NELL1: variants seen among roughly 807,000 people sequenced by gnomAD.
NELL1 encodes protein kinase C-binding protein NELL1.
In NELL1, 76 loss-of-function variants were observed where a neutral mutation model predicts 107.4. The ratio of observed to expected loss-of-function variants is 0.71; its 90% CI spans 0.59 to 0.86. NELL1 has a LOEUF of 0.86. Among genes scored for constraint, NELL1 ranks in the 40% least tolerant of loss-of-function variants. The pLI, the probability that NELL1 is intolerant of heterozygous loss-of-function variation, is 0.00. For synonymous variants in NELL1, 353 were observed against 341.2 expected (o/e 1.03, Z -0.38); for missense variants, 1,024 against 1,005.5 (o/e 1.02, Z -0.25).
intron 13 of NELL1, among the ~76,000 whole-genome samples, chr11:21,154,375 G>A (rs968396529): frequency 6.6e-6 from 1 of 152,122 alleles, no homozygotes; most frequent in African/African-American, 2.4e-5. Flanking sequence ...CATGGCAGGG[G>A]AAATCTATAT....
intron 3 of NELL1, among the ~76,000 whole-genome samples, chr11:20,825,984 G>A (rs1381686227): frequency 2.0e-5 from 3 of 151,188 alleles, no homozygotes; most frequent in African/African-American, 7.3e-5. Flanking sequence ...TCTTGTGATA[G>A]TGAGTGAGTT....
rs16907211 is a variant in NELL1 at position 20,990,920 on chromosome 11, G to T, written c.1300+30360G>T. On this transcript the variant is annotated intron_variant, in intron 12 of 19. Coordinates refer to ENST00000357134, the MANE Select transcript of NELL1 (RefSeq NM_006157.5). Reference sequence around the variant, plus strand: ...GCTTCTCTGGCTCTTGACCCCAGGTGCTTCCTTAGCCATGCTCTGTGGGTA... The same window carrying T: ...GCTTCTCTGGCTCTTGACCCCAGGTTCTTCCTTAGCCATGCTCTGTGGGTA... 3.0e-3 allele frequency among the ~76,000 whole-genome samples: 461 copies of T among 152,230 alleles called. 11 individuals carry two copies. In the East Asian group the frequency reaches 0.06, roughly 20 times the overall value.
rs17232953 is a variant in NELL1 at position 21,056,745 on chromosome 11, A to G, written c.1301-56844A>G. Among the ~76,000 whole-genome samples, 1,097 of 152,286 alleles carry G rather than the reference A, an allele frequency of 7.2e-3. 5 individuals carry two copies. The highest frequency in any genetic ancestry group is 0.01 in the Non-Finnish European group (689 of 68,008). On this transcript the variant is annotated intron_variant, in intron 12 of 19. Transcript: ENST00000357134. ...TTCCTGTAAACATAAATGCACATCA[A>G]ATGAAAACTTCCATATTTGCCAATT...
chr11:20,705,495 A>G (rs1854922952), intron 2 of NELL1, among the ~76,000 whole-genome samples: 2 of 149,870 alleles, frequency 1.3e-5, no homozygotes, highest in Non-Finnish European at 3.0e-5. Context: ...CCTTCCTTAC[A>G]CCTTATACAA....
chr11:21,310,470 A>G (rs1278590973), intron 14 of NELL1, among the ~76,000 whole-genome samples: 1 of 152,034 alleles, frequency 6.6e-6, no homozygotes, highest in East Asian at 1.9e-4. Context: ...TAATATTGGT[A>G]ATCTAGTCAG....
chr11:20,892,559 T>C (rs2195562), intron 5 of NELL1, among the ~76,000 whole-genome samples: 99,132 of 152,126 alleles, frequency 0.65, 34,047 homozygotes, highest in Non-Finnish European at 0.78. Context: ...GAAACACCAT[T>C]TGACCCAGCA....
intron 12 of NELL1, among the ~76,000 whole-genome samples, chr11:21,064,418 G>T (rs1853818813): frequency 6.6e-6 from 1 of 152,138 alleles, no homozygotes; most frequent in African/African-American, 2.4e-5. Flanking sequence ...AAGAGAGGAG[G>T]GGGTGACAGT....
chr11:20,731,323 C>G (rs2133922074), intron 2 of NELL1, among the ~76,000 whole-genome samples: 1 of 152,296 alleles, frequency 6.6e-6, no homozygotes, highest in African/African-American at 2.4e-5. Flanking sequence ...AAATTAAGAC[C>G]ACATAGGAAA....
chr11:20,856,656 C>T (rs1301684149), intron 4 of NELL1, among the ~76,000 whole-genome samples: 1 of 152,206 alleles, frequency 6.6e-6, no homozygotes, highest in East Asian at 1.9e-4. Context: ...TATCTGCTTT[C>T]CAGGTCTGAT....
At chr11:20,834,963 T>A (rs969458547) in intron 3 of NELL1, among the ~76,000 whole-genome samples, 3 of 152,190 alleles carry the variant, frequency 2.0e-5, no homozygotes, top group Non-Finnish European at 2.9e-5. Flanking sequence ...GTTCTATGAA[T>A]CTAGCCCCAA....
chr11:21,428,946 A>G (rs1346838112), intron 15 of NELL1, among the ~76,000 whole-genome samples: 2 of 152,174 alleles, frequency 1.3e-5, no homozygotes, highest in African/African-American at 4.8e-5. Context: ...AGCATTGCTA[A>G]TGGCATTTTG....
chr11:21,033,579 T>C (rs368979418), intron 12 of NELL1, among the ~76,000 whole-genome samples: 29 of 152,292 alleles, frequency 1.9e-4, no homozygotes, highest in Middle Eastern at 6.8e-3. Context: ...ATTCTTTTTT[T>C]ATGGCTGCAT....
chr11:21,206,727 C>T (rs1212073571), intron 13 of NELL1, among the ~76,000 whole-genome samples: 1 of 152,132 alleles, frequency 6.6e-6, no homozygotes, highest in Admixed American at 6.6e-5. Context: ...TCTCAAGTTC[C>T]TTTTGCTTTT....
intron 15 of NELL1, among the ~76,000 whole-genome samples, chr11:21,407,224 T>C (rs1157882304): frequency 6.6e-6 from 1 of 152,030 alleles, no homozygotes; most frequent in Non-Finnish European, 1.5e-5. Flanking sequence ...AAGACCAGCC[T>C]GGGCAACATG....
At chr11:20,786,362 GA>G (rs1214651370) in intron 3 of NELL1, among the ~76,000 whole-genome samples, 1 of 120,702 alleles carries the variant, frequency 8.3e-6, no homozygotes, top group Non-Finnish European at 1.8e-5. Context: ...AAAAAAAAAA[GA>G]AAAAAAAAGG....
intron 2 of NELL1, among the ~76,000 whole-genome samples, chr11:20,771,271 A>G (rs1564902127): frequency 6.6e-6 from 1 of 152,090 alleles, no homozygotes; most frequent in Admixed American, 6.5e-5. Flanking sequence ...TTGGTCCCTG[A>G]GTGTCAAATC....
At chr11:21,226,455 A>T (rs912888093) in intron 13 of NELL1, among the ~76,000 whole-genome samples, 2 of 152,176 alleles carry the variant, frequency 1.3e-5, no homozygotes, top group Non-Finnish European at 2.9e-5. Flanking sequence ...CAGTTCTATG[A>T]TCTTAGGAAA....
At chr11:20,952,646 G>A (rs1851091902) in intron 11 of NELL1, among the ~76,000 whole-genome samples, 1 of 152,164 alleles carries the variant, frequency 6.6e-6, no homozygotes, top group Non-Finnish European at 1.5e-5. Flanking sequence ...TCAACTGTGG[G>A]CTAAAGTGGA....
intron 14 of NELL1, among the ~76,000 whole-genome samples, chr11:21,312,499 C>A (rs1326034603): frequency 6.6e-6 from 1 of 152,156 alleles, no homozygotes; most frequent in African/African-American, 2.4e-5. Context: ...CCATCAATCA[C>A]ACCCTGATTA....
Sources: allele counts gnomAD v4.1 joint callset (sites outside exome capture counted in the v4.1 genomes callset), GRCh38; gene constraint gnomAD v4.1.1; transcripts MANE v1.5; gene names NCBI Gene and HGNC (gene_info 2026-07-23, HGNC 2026-07-21).